Variants in THSD7B observed in about 807,000 individuals in gnomAD.
The protein encoded by THSD7B is thrombospondin type-1 domain-containing protein 7B.
Under a neutral mutation model 213.6 loss-of-function variants are expected in THSD7B, and 138 were observed. The observed-to-expected ratio is 0.65, with a 90% CI of 0.56 to 0.74. THSD7B has a LOEUF of 0.74. Among genes scored for constraint, THSD7B ranks in the 30% least tolerant of loss-of-function variants. THSD7B has a pLI of 0.00. For synonymous variants in THSD7B, 742 were observed against 687.0 expected, an observed-to-expected ratio of 1.08 and a Z score of -1.25; for missense variants, 1,931 against 1,991.5, an observed-to-expected ratio of 0.97 and a Z score of 0.58.
Position 137,095,023 on chromosome 2 carries a change from C to T in THSD7B, c.1101C>T (p.Asn367=), listed in dbSNP as rs373751186. The T allele has an allele frequency of 2.7e-5, 44 of 1,613,682 alleles. No homozygotes were observed. The highest frequency in any genetic ancestry group is 1.1e-4 in the African/African-American group (8 of 74,902). The change falls in exon 4 of 28, where the codon AAC becomes AAT. Residue 367 remains asparagine, a synonymous_variant. Transcript: ENST00000409968. ...LLPGFRSRSR[N]VKHMAIGGGK... ...CAGGATTTAGGAGCAGGAGCCGGAA[C>T]GTGAAGCACATGGCTATTGGAGGTG...
intron 2 of THSD7B, among the ~76,000 whole-genome samples, chr2:136,949,427 G>A (rs1182880874): frequency 6.6e-6 from 1 of 152,192 alleles, no homozygotes; most frequent in African/African-American, 2.4e-5. Flanking sequence ...TGCATTTGAA[G>A]CCAGCTGGAC....
chr2:137,461,097 C>T (rs989183206), intron 15 of THSD7B, among the ~76,000 whole-genome samples: 5 of 151,930 alleles, frequency 3.3e-5, no homozygotes, highest in African/African-American at 1.2e-4. Context: ...GTATATACCA[C>T]ATTTTTTCAT....
At chr2:137,207,910 A>G (rs148028836) in intron 7 of THSD7B, among the ~76,000 whole-genome samples, 1 of 152,210 alleles carries the variant, frequency 6.6e-6, no homozygotes, top group Admixed American at 6.5e-5. Context: ...AAACCAATTC[A>G]TTGAGACCGT....
intron 6 of THSD7B, among the ~76,000 whole-genome samples, chr2:137,170,090 T>G (rs780664175): frequency 6.6e-6 from 1 of 152,198 alleles, no homozygotes; most frequent in Non-Finnish European, 1.5e-5. Flanking sequence ...GCCCATAGCA[T>G]GTAAAATACA....
intron 7 of THSD7B, among the ~76,000 whole-genome samples, chr2:137,214,404 AC>A (rs1681187717): frequency 1.3e-5 from 2 of 152,112 alleles, no homozygotes; most frequent in African/African-American, 4.8e-5. Context: ...TAAAAGTCAT[AC>A]CTTTGGTAGA....
chr2:137,398,821 G>C (rs1389269892), intron 12 of THSD7B, among the ~76,000 whole-genome samples: 1 of 152,190 alleles, frequency 6.6e-6, no homozygotes, highest in Admixed American at 6.5e-5. Flanking sequence ...GCGAGATTCC[G>C]TGGGCGTAGG....
At chr2:137,550,149 A>G (rs919181883) in intron 15 of THSD7B, among the ~76,000 whole-genome samples, 3 of 151,976 alleles carry the variant, frequency 2.0e-5, no homozygotes, top group South Asian at 2.1e-4. Context: ...CTGTTTGCAT[A>G]GTGCTGTGGA....
rs1045837717 is a variant in THSD7B at position 137,662,217 on chromosome 2, G to A, written c.4459-1166G>A. Among the ~76,000 whole-genome samples, 14 of 146,018 alleles carry A rather than the reference G, an allele frequency of 9.6e-5. No individual in the cohort carries two copies. The South Asian group carries it at 1.5e-3, about 16-fold the overall frequency. The stretch of plus-strand genomic sequence containing the variant: ...AGCTAGGACTACAGATGCCCGCCAC[G>A]ACGCCCGGCTAATTTTTTTTTTTTC... On this transcript the variant is annotated intron_variant, in intron 25 of 27. Transcript: ENST00000409968.
At chr2:137,142,180 C>T (rs1461484623) in intron 5 of THSD7B, among the ~76,000 whole-genome samples, 1 of 152,264 alleles carries the variant, frequency 6.6e-6, no homozygotes, top group South Asian at 2.1e-4. Context: ...TTTATTGACT[C>T]ACATTTCTGG....
rs916897848 is a variant in THSD7B, at chr2:136,920,159, C to T, written c.139+37842C>T. On this transcript the variant is annotated intron_variant, in intron 2 of 27. Transcript: ENST00000409968. The stretch of plus-strand genomic sequence containing the variant: ...TTTCAGTCCTGCCATTCAGCAGGTT[C>T]CAAGTTCTTGTCCCATGTTCAGGAA... 7.9e-5 allele frequency among the ~76,000 whole-genome samples: 12 copies of T among 152,198 alleles called. No individual in the cohort carries two copies. The South Asian group carries it at 2.5e-3, about 32-fold the overall frequency.
At chr2:137,049,229 G>A (rs1283255178) in intron 2 of THSD7B, among the ~76,000 whole-genome samples, 5 of 152,188 alleles carry the variant, frequency 3.3e-5, no homozygotes, top group South Asian at 2.1e-4. Context: ...GGCAAGAGAC[G>A]GGTGGCGGGG....
At chr2:137,669,434 T>C (rs934995230) in intron 27 of THSD7B, among the ~76,000 whole-genome samples, 3 of 145,580 alleles carry the variant, frequency 2.1e-5, no homozygotes, top group Non-Finnish European at 4.7e-5. Context: ...CATCCTAGAA[T>C]CAATTTTTTT....
intron 12 of THSD7B, among the ~76,000 whole-genome samples, chr2:137,289,043 C>T (rs955787624): frequency 3.2e-5 from 4 of 126,806 alleles, no homozygotes; most frequent in Non-Finnish European, 6.9e-5. Context: ...ATAATAATTC[C>T]AATTTTTTGA....
chr2:137,285,829 C>T lies in THSD7B; in HGVS notation c.2500+9803C>T, dbSNP rs183629238. Among the ~76,000 whole-genome samples, 274 of 152,020 alleles carry T rather than the reference C, an allele frequency of 1.8e-3. 1 individual carries two copies. Among genetic ancestry groups the T allele is most frequent in the African/African-American group, 6.2e-3 (257 of 41,490 alleles). On this transcript the variant is annotated intron_variant, in intron 12 of 27. Coordinates refer to ENST00000409968, the MANE Select transcript of THSD7B (RefSeq NM_001316349.2). ...CATTAAGAATTGATTTATGGCTGGG[C>T]GCAGTGGCTCACACCTGTAATCCCA...
At chr2:136,880,896 A>G (rs981608549) in intron 1 of THSD7B, among the ~76,000 whole-genome samples, 3 of 152,136 alleles carry the variant, frequency 2.0e-5, no homozygotes, top group Non-Finnish European at 4.4e-5. Context: ...GATTCTTGTT[A>G]CTACTTACAG....
chr2:137,584,610 T>C (rs1681672537), intron 17 of THSD7B, among the ~76,000 whole-genome samples: 1 of 152,216 alleles, frequency 6.6e-6, no homozygotes, highest in Admixed American at 6.5e-5. Context: ...ATTTATGTTT[T>C]TGGTTCTGTT....
intron 1 of THSD7B, among the ~76,000 whole-genome samples, chr2:136,870,433 A>G (rs936835997): frequency 3.9e-5 from 6 of 152,262 alleles, no homozygotes; most frequent in African/African-American, 9.6e-5. Flanking sequence ...AACTGGACAT[A>G]TAACACTGAA....
At chr2:137,594,389 A>G (rs1366049200) in intron 17 of THSD7B, among the ~76,000 whole-genome samples, 2 of 152,036 alleles carry the variant, frequency 1.3e-5, no homozygotes, top group South Asian at 4.1e-4. Flanking sequence ...AAGCAGAGAA[A>G]TTGGTACACA....
chr2:137,496,713 G>GTC (rs1679577583), intron 15 of THSD7B, among the ~76,000 whole-genome samples: 1 of 152,160 alleles, frequency 6.6e-6, no homozygotes, highest in African/African-American at 2.4e-5. Flanking sequence ...ATTCTAAAGT[G>GTC]ATCATTATGT....
Sources: gnomAD v4.1 joint callset for allele counts (sites outside exome capture counted in the v4.1 genomes callset) on GRCh38, gnomAD v4.1.1 for gene constraint, MANE v1.5 for transcripts, NCBI Gene and HGNC (gene_info 2026-07-23, HGNC 2026-07-21) for gene names.